The following CRPPA variants were observed in gnomAD, a reference collection of about 807,000 sequenced individuals.
The protein encoded by CRPPA is D-ribitol-5-phosphate cytidylyltransferase.
A neutral mutation model predicts 52.0 loss-of-function variants in CRPPA; 43 were observed. The ratio of observed to expected loss-of-function variants is 0.83; its 90% CI spans 0.65 to 1.07. CRPPA has a LOEUF of 1.07. CRPPA is among the 50% of genes least tolerant of loss of function. The pLI is 0.00. For missense variants in CRPPA, 629 were observed against 551.7 expected (o/e 1.14, Z -1.40); for synonymous variants, 250 against 203.5 (o/e 1.23, Z -1.94).
intron 8 of CRPPA, among the ~76,000 whole-genome samples, chr7:16,256,005 C>G (rs1783628608): frequency 6.6e-6 from 1 of 152,164 alleles, no homozygotes; most frequent in African/African-American, 2.4e-5. Flanking sequence ...AGTGAACAGG[C>G]AACCTACAGT....
intron 2 of CRPPA, among the ~76,000 whole-genome samples, chr7:16,389,919 A>G (rs1246134101): frequency 1.5e-5 from 1 of 64,812 alleles, no homozygotes; most frequent in Non-Finnish European, 3.0e-5. Context: ...TATACAAAAA[A>G]AAAAAAAAAA....
intron 2 of CRPPA, among the ~76,000 whole-genome samples, chr7:16,402,527 CAAG>C (rs1787844655): frequency 6.6e-6 from 1 of 151,898 alleles, no homozygotes; most frequent in Admixed American, 6.6e-5. Flanking sequence ...ATTAAACGAC[CAAG>C]AAGTACTATT....
chr7:16,159,770 T>G (rs1349933284), intron 9 of CRPPA, among the ~76,000 whole-genome samples: 1 of 152,224 alleles, frequency 6.6e-6, no homozygotes, highest in African/African-American at 2.4e-5. Flanking sequence ...TTTAGATCCT[T>G]GAGGAATCGC....
Position 16,089,400 on chromosome 7 carries a change from A to AATGTGTATATATGTACGTACATACATAT in CRPPA, c.*2267_*2294dup, listed in dbSNP as rs770804343. The AATGTGTATATATGTACGTACATACATAT allele has an allele frequency of 1.2e-4, 43 of 362,398 alleles. 1 individual carries two copies. The highest frequency in any genetic ancestry group is 1.8e-4 in the South Asian group (10 of 54,486). 22.4% of individuals were successfully genotyped at this position (362,398 alleles called of 1,614,324 possible). The stretch of plus-strand genomic sequence containing the variant: ...TATATACGTATATATGTATGTACAT[A>AATGTGTATATATGTACGTACATACATAT]ATGTGTATATATGTACGTACATACA... On this transcript the variant is annotated 3_prime_UTR_variant, in exon 10 of 10. Transcript: ENST00000407010.
chr7:16,349,183 C>G (rs1193680078), intron 3 of CRPPA, among the ~76,000 whole-genome samples: 1 of 152,184 alleles, frequency 6.6e-6, no homozygotes, highest in Non-Finnish European at 1.5e-5. Flanking sequence ...GTCTTGGCTT[C>G]TACCTTCCAG....
At chr7:16,403,848 C>CCTAG (rs1787888204) in intron 2 of CRPPA, among the ~76,000 whole-genome samples, 1 of 114,190 alleles carries the variant, frequency 8.8e-6, no homozygotes, top group Non-Finnish European at 1.7e-5. Context: ...CTGAATCTAG[C>CCTAG]CTTGAGCTGC....
intron 9 of CRPPA, among the ~76,000 whole-genome samples, chr7:16,116,687 G>A (rs538670780): frequency 6.6e-6 from 1 of 150,464 alleles, no homozygotes. Context: ...GAAAGGAAAG[G>A]GAAGGGAAAG....
intron 9 of CRPPA, among the ~76,000 whole-genome samples, chr7:16,136,481 T>G (rs1337390950): frequency 2.0e-5 from 3 of 152,230 alleles, no homozygotes; most frequent in Admixed American, 1.3e-4. Flanking sequence ...AGAAAACTAT[T>G]CTTTTTGTGA....
intron 9 of CRPPA, among the ~76,000 whole-genome samples, chr7:16,131,186 G>C (rs1288561987): frequency 5.9e-5 from 9 of 152,320 alleles, no homozygotes; most frequent in African/African-American, 2.2e-4. Flanking sequence ...AAAAGTGGAA[G>C]AGACTTTGAA....
intron 2 of CRPPA, among the ~76,000 whole-genome samples, chr7:16,400,192 G>T (rs569625542): frequency 5.9e-5 from 9 of 152,054 alleles, no homozygotes; most frequent in Non-Finnish European, 1.2e-4. Context: ...TGACTGACAC[G>T]ATTGAAACAT....
At chr7:16,388,672 T>C (rs1787358988) in intron 2 of CRPPA, among the ~76,000 whole-genome samples, 1 of 152,084 alleles carries the variant, frequency 6.6e-6, no homozygotes, top group African/African-American at 2.4e-5. Flanking sequence ...GTCAGGAGTT[T>C]GAGACCAGCC....
At chr7:16,311,214 A>C (rs1785027806) in intron 3 of CRPPA, among the ~76,000 whole-genome samples, 1 of 152,130 alleles carries the variant, frequency 6.6e-6, no homozygotes, top group East Asian at 1.9e-4. Flanking sequence ...TTTAATTACG[A>C]CCCATGCATT....
At chr7:16,186,302 A>T (rs1272839608) in intron 9 of CRPPA, among the ~76,000 whole-genome samples, 1 of 152,316 alleles carries the variant, frequency 6.6e-6, no homozygotes. Flanking sequence ...AGAAGGGTAG[A>T]GTCCTCATGA....
chr7:16,159,459 C>T (rs781283854), intron 9 of CRPPA, among the ~76,000 whole-genome samples: 3 of 152,114 alleles, frequency 2.0e-5, no homozygotes, highest in African/African-American at 4.8e-5. Flanking sequence ...TTTTCTGTTC[C>T]TGTGTTAGCT....
At chr7:16,348,363 A>G (rs1786066543) in intron 3 of CRPPA, among the ~76,000 whole-genome samples, 1 of 152,164 alleles carries the variant, frequency 6.6e-6, no homozygotes, top group South Asian at 2.1e-4. Context: ...ACGAGCAAAC[A>G]AGCATGTCCA....
intron 8 of CRPPA, among the ~76,000 whole-genome samples, chr7:16,219,547 A>C (rs1782439409): frequency 8.9e-6 from 1 of 112,284 alleles, no homozygotes; most frequent in Admixed American, 1.1e-4. Context: ...GACCGCTAGC[A>C]AGACTAATAA....
chr7:16,323,087 G>A (rs1312598332), intron 3 of CRPPA, among the ~76,000 whole-genome samples: 1 of 152,042 alleles, frequency 6.6e-6, no homozygotes, highest in East Asian at 1.9e-4. Context: ...GGAGATTATG[G>A]AGATTACAAC....
In CRPPA at chr7:16,354,519, A is replaced by C. The variant is rs187467085; in HGVS notation, c.684+21573T>G. ...ACACACAGACTGCACAAAATGATGT[A>C]AACTAATCAGCCTAATGAGGCTTTG... On this transcript the variant is annotated intron_variant, in intron 3 of 9. Transcript: ENST00000407010. 2.6e-5 allele frequency among the ~76,000 whole-genome samples: 4 copies of C among 152,324 alleles called. No homozygotes were observed. In the East Asian group the frequency reaches 7.7e-4, roughly 29 times the overall value.
intron 9 of CRPPA, among the ~76,000 whole-genome samples, chr7:16,214,912 T>C (rs987352306): frequency 6.6e-6 from 1 of 152,206 alleles, no homozygotes; most frequent in Non-Finnish European, 1.5e-5. Context: ...TGTCCTGACT[T>C]CAGTAGCCTC....
Sources: gnomAD v4.1 joint callset for allele counts (sites outside exome capture counted in the v4.1 genomes callset) on GRCh38, gnomAD v4.1.1 for gene constraint, MANE v1.5 for transcripts, NCBI Gene and HGNC (gene_info 2026-07-23, HGNC 2026-07-21) for gene names.